The following CHST11 variants were observed in gnomAD, a reference collection of about 807,000 sequenced individuals.
CHST11 encodes the protein carbohydrate sulfotransferase 11, also known as C4S-1.
CHST11 carries 9 observed loss-of-function variants against 30.4 expected under a neutral mutation model. That is an observed-to-expected ratio of 0.30 (90% CI 0.18 to 0.52). CHST11 has a LOEUF of 0.52. Among genes scored for constraint, CHST11 ranks in the 20% least tolerant of loss-of-function variants. CHST11 has a pLI of 0.97. For synonymous variants in CHST11, 152 were observed against 187.8 expected, an observed-to-expected ratio of 0.81 and a Z score of 1.56; for missense variants, 348 against 460.6, an observed-to-expected ratio of 0.76 and a Z score of 2.24.
Position 104,637,793 on chromosome 12 carries a change from G to T in CHST11, c.204+35802G>T, listed in dbSNP as rs185567219. On this transcript the variant is annotated intron_variant, in intron 2 of 2. Coordinates refer to ENST00000303694, the MANE Select transcript of CHST11 (RefSeq NM_018413.6). ...CTTCAACCCATCTGGTCACGTACAT[G>T]CACTTGGTCTGCTTCCTGCTCAGCA... 3.9e-5 allele frequency among the ~76,000 whole-genome samples: 6 copies of T among 152,256 alleles called. No homozygotes were observed. In the East Asian group the frequency reaches 1.2e-3, roughly 29 times the overall value.
At chr12:104,637,403 G>C (rs1324817904) in intron 2 of CHST11, among the ~76,000 whole-genome samples, 1 of 149,434 alleles carries the variant, frequency 6.7e-6, no homozygotes, top group African/African-American at 2.5e-5. Context: ...GAGTTAATGG[G>C]TGCAGCACAC....
chr12:104,592,449 T>C (rs2038868781), intron 1 of CHST11, among the ~76,000 whole-genome samples: 1 of 152,024 alleles, frequency 6.6e-6, no homozygotes, highest in East Asian at 1.9e-4. Context: ...GTGGAGGGGG[T>C]AAGTGGTCTT....
At chr12:104,673,217 T>C (rs755743308) in intron 2 of CHST11, among the ~76,000 whole-genome samples, 17 of 152,152 alleles carry the variant, frequency 1.1e-4, no homozygotes, top group Non-Finnish European at 1.9e-4. Flanking sequence ...CTTAGCTTAA[T>C]CACATCTGCA....
intron 1 of CHST11, among the ~76,000 whole-genome samples, chr12:104,526,097 CT>C (rs1261085343): frequency 6.6e-6 from 1 of 151,896 alleles, no homozygotes; most frequent in Non-Finnish European, 1.5e-5. Flanking sequence ...ATCAGAAAGG[CT>C]GATTGGTAGT....
intron 1 of CHST11, among the ~76,000 whole-genome samples, chr12:104,521,062 T>C (rs1013418443): frequency 1.3e-5 from 2 of 152,224 alleles, no homozygotes; most frequent in African/African-American, 4.8e-5. Context: ...ATAATAAGGA[T>C]AAGGATAATA....
chr12:104,706,402 A>G (rs1356024436), intron 2 of CHST11, among the ~76,000 whole-genome samples: 1 of 134,158 alleles, frequency 7.5e-6, no homozygotes, highest in African/African-American at 2.7e-5. Flanking sequence ...ACAAACAAAA[A>G]CAGATAGGTA....
intron 1 of CHST11, among the ~76,000 whole-genome samples, chr12:104,516,117 C>T (rs1005911147): frequency 6.6e-6 from 1 of 152,156 alleles, no homozygotes; most frequent in African/African-American, 2.4e-5. Flanking sequence ...TAGGGCTGAA[C>T]AAAATCTTTG....
intron 1 of CHST11, among the ~76,000 whole-genome samples, chr12:104,577,480 G>A (rs1704878): frequency 0.27 from 41,648 of 151,652 alleles, 5,919 homozygotes; most frequent in Middle Eastern, 0.38. Context: ...TTATCGGGGT[G>A]GTAGGCTACA....
chr12:104,580,600 C>A lies in CHST11; in HGVS notation c.119-21306C>A, dbSNP rs887039814. On this transcript the variant is annotated intron_variant, in intron 1 of 2. Transcript: ENST00000303694. ...CCTCTATAACAGCTAGGATTGTGCC[C>A]CATGCAAAGCTTCCTGGAAGTTTGG... Among the ~76,000 whole-genome samples the A allele has an allele frequency of 2.6e-5, 4 of 152,098 alleles. No homozygotes were observed. The East Asian group carries it at 7.7e-4, about 29-fold the overall frequency.
In CHST11 at chr12:104,664,478, A is replaced by C. The variant is rs75414900; in HGVS notation, c.204+62487A>C. 9.3e-4 allele frequency among the ~76,000 whole-genome samples: 142 copies of C among 152,304 alleles called. No homozygotes were observed. In the East Asian group the frequency reaches 0.024, roughly 25 times the overall value. On this transcript the variant is annotated intron_variant, in intron 2 of 2. Coordinates refer to ENST00000303694, the MANE Select transcript of CHST11 (RefSeq NM_018413.6). ...AATGTAAGATTTATTTTTGCCAGTA[A>C]AATATAACACACAGCCCAGCCCAGC...
chr12:104,496,767 A>T (rs1303596167), intron 1 of CHST11, among the ~76,000 whole-genome samples: 1 of 152,052 alleles, frequency 6.6e-6, no homozygotes, highest in African/African-American at 2.4e-5. Context: ...AAAATATGAG[A>T]TGTTGTTTCC....
In CHST11 at chr12:104,758,990, G is replaced by C. The variant is rs933276517; in HGVS notation, c.*1187G>C. ...ATGTCTGCCTTGGGTGAGGAAAGGG[G>C]AACACTCCTCAAGTGCCTCCTACTG... On this transcript the variant is annotated 3_prime_UTR_variant, in exon 3 of 3. Transcript: ENST00000303694. The C allele has an allele frequency of 6.6e-6, 1 of 152,202 alleles. No individual in the cohort carries two copies. Among genetic ancestry groups the C allele is most frequent in the Non-Finnish European group, 1.5e-5 (1 of 68,086 alleles). The allele number at this position is 152,202 out of a possible 1,614,324, so 9.4% of individuals were successfully genotyped here.
At chr12:104,710,279 G>C (rs575678844) in intron 2 of CHST11, among the ~76,000 whole-genome samples, 34 of 152,334 alleles carry the variant, frequency 2.2e-4, no homozygotes, top group African/African-American at 7.9e-4. Flanking sequence ...AGCGAGGAGG[G>C]AGGGAGAAAG....
At chr12:104,646,281 G>T (rs7297636) in intron 2 of CHST11, among the ~76,000 whole-genome samples, 6,519 of 152,146 alleles carry the variant, frequency 0.043, 409 homozygotes, top group African/African-American at 0.14. Flanking sequence ...GGCCTTTGCT[G>T]GCAGTGTTCC....
chr12:104,736,622 G>A (rs1592866258), intron 2 of CHST11, among the ~76,000 whole-genome samples: 1 of 152,206 alleles, frequency 6.6e-6, no homozygotes, highest in South Asian at 2.1e-4. Flanking sequence ...GTTGGGCTGG[G>A]ACCCACTGCA....
At chr12:104,601,827 C>T (rs2038959600) in intron 1 of CHST11, 79 bp from the exon 2 acceptor site, 1 of 1,160,768 alleles carries the variant, frequency 8.6e-7, no homozygotes, top group Admixed American at 1.8e-5. Flanking sequence ...TTTCTTCTTC[C>T]CTACTCTGTG....
intron 1 of CHST11, among the ~76,000 whole-genome samples, chr12:104,477,426 G>A (rs1047725658): frequency 6.6e-6 from 1 of 152,182 alleles, no homozygotes; most frequent in African/African-American, 2.4e-5. Flanking sequence ...TTCTTTTTGT[G>A]ATTTAGGAGG....
At chr12:104,665,476 C>G (rs891038238) in intron 2 of CHST11, among the ~76,000 whole-genome samples, 1 of 152,110 alleles carries the variant, frequency 6.6e-6, no homozygotes, top group Non-Finnish European at 1.5e-5. Flanking sequence ...CCTGGGGTCA[C>G]GCTGCCTAGG....
At position 104,590,129 on chromosome 12, in the gene CHST11, G is replaced by A. The variant is rs188722129; in HGVS notation, c.119-11777G>A. Among the ~76,000 whole-genome samples the A allele has an allele frequency of 2.7e-4, 41 of 152,206 alleles. No homozygotes were observed. In the East Asian group the frequency reaches 6.8e-3, roughly 25 times the overall value. ...CTACACCCAGGCCCCTGGCCTCGTT[G>A]GCCCCATCTGGCACAGTTTCTCCCC... is the stretch of plus-strand genomic sequence containing the variant. On this transcript the variant is annotated intron_variant, in intron 1 of 2. Transcript: ENST00000303694.
Sources: gnomAD v4.1 joint callset for allele counts (sites outside exome capture counted in the v4.1 genomes callset) on GRCh38, gnomAD v4.1.1 for gene constraint, MANE v1.5 for transcripts, NCBI Gene and HGNC (gene_info 2026-07-23, HGNC 2026-07-21) for gene names.